The following TOGARAM1 variants were observed in gnomAD, a reference collection of about 807,000 sequenced individuals.
The protein encoded by TOGARAM1 is TOG array regulator of axonemal microtubules protein 1.
TOGARAM1 carries 100 observed loss-of-function variants against 166.6 expected under a neutral mutation model. The observed-to-expected ratio is 0.60, with a 90% CI of 0.51 to 0.71. The LOEUF (loss-of-function observed/expected upper bound fraction) is 0.71, where lower values mean the gene tolerates loss of function less well. Ranked by LOEUF, TOGARAM1 falls within the 30% of genes least tolerant of loss-of-function variation. The probability of loss-of-function intolerance (pLI) is 0.00; values close to 1 mark genes in which losing one functional copy is unlikely to be tolerated. For missense variants in TOGARAM1, 2,029 were observed against 2,102.7 expected, an observed-to-expected ratio of 0.96 and a Z score of 0.69; for synonymous variants, 758 against 763.8, an observed-to-expected ratio of 0.99 and a Z score of 0.13.
chr14:44,997,331 G>C (rs1401434450), intron 2 of TOGARAM1: 1 of 147,820 alleles, frequency 6.8e-6, no homozygotes, highest in African/African-American at 2.6e-5. Context: ...TCTTCAACCC[G>C]GGAGGCAGAG....
chr14:44,964,602 A>G lies in TOGARAM1; in HGVS notation c.2046+135A>G. On this transcript the variant is annotated intron_variant, in intron 1 of 19. Transcript: ENST00000361462. ...TTAAATTGATTTTAAATCCATCTGA[A>G]TGTTGGTACTCATTATAATGGTACA... 3 of 995,318 alleles carry G rather than the reference A, an allele frequency of 3.0e-6. No individual in the cohort carries two copies. The South Asian group carries it at 5.6e-5, about 18-fold the overall frequency. The allele number at this position is 995,318 out of a possible 1,614,324, so 61.7% of individuals were successfully genotyped here. A position where few individuals can be genotyped will look rare whatever the true frequency, so the allele number is the denominator to read the frequency against.
chr14:45,023,809 C>T (rs187729665), intron 7 of TOGARAM1, among the ~76,000 whole-genome samples: 4 of 152,150 alleles, frequency 2.6e-5, no homozygotes, highest in East Asian at 3.9e-4. Context: ...GGTGCAATCT[C>T]GGCTGACTGC....
chr14:44,962,321 C>A lies in TOGARAM1; in HGVS notation c.-101C>A, dbSNP rs777695016. On this transcript the variant is annotated 5_prime_UTR_variant, in exon 1 of 20. In the 5' UTR this introduces an upstream ATG that the reference lacks. Transcript: ENST00000361462. ...GGCTGAAGCTGTTCTTTTGCCTCTT[C>A]TGCAGCTTGGGGCTTGGAGAGGATC... 1 of 1,401,362 alleles carries A rather than the reference C, an allele frequency of 7.1e-7. No homozygotes were observed. Among genetic ancestry groups the A allele is most frequent in the Non-Finnish European group, 9.4e-7 (1 of 1,065,136 alleles). The allele number at this position is 1,401,362 out of a possible 1,614,324, so 86.8% of individuals were successfully genotyped here. A position where few individuals can be genotyped will look rare whatever the true frequency, so the allele number is the denominator to read the frequency against.
chr14:45,050,675 T>C (rs975010812), intron 14 of TOGARAM1, among the ~76,000 whole-genome samples: 3 of 151,948 alleles, frequency 2.0e-5, no homozygotes, highest in African/African-American at 4.8e-5. Flanking sequence ...AGGGCAGTGG[T>C]GCAATCTCAG....
At chr14:44,974,812 C>G (rs1454964754) in intron 1 of TOGARAM1, among the ~76,000 whole-genome samples, 1 of 152,018 alleles carries the variant, frequency 6.6e-6, no homozygotes, top group Non-Finnish European at 1.5e-5. Context: ...ATATCTGATG[C>G]TGGTTCTGAT....
intron 17 of TOGARAM1, among the ~76,000 whole-genome samples, chr14:45,067,477 T>C (rs2139004583): frequency 6.6e-6 from 1 of 152,300 alleles, no homozygotes; most frequent in South Asian, 2.1e-4. Context: ...GAAATATTAA[T>C]AAATATTCAT....
At chr14:45,005,297 A>G (rs1344384724) in intron 4 of TOGARAM1, among the ~76,000 whole-genome samples, 2 of 152,198 alleles carry the variant, frequency 1.3e-5, no homozygotes, top group Non-Finnish European at 2.9e-5. Context: ...ATTAGCATAT[A>G]TAAGTTCATT....
chr14:44,968,058 C>T (rs1288021329), intron 1 of TOGARAM1, among the ~76,000 whole-genome samples: 1 of 151,878 alleles, frequency 6.6e-6, no homozygotes, highest in Admixed American at 6.6e-5. Context: ...TTCTGAAATG[C>T]CAGCATAGAC....
rs1304786356 is a variant in TOGARAM1 at position 45,028,267 on chromosome 14, A to C, written c.3596A>C (p.Lys1199Thr). The C allele has an allele frequency of 3.1e-6, 5 of 1,606,552 alleles. No homozygotes were observed. The highest frequency in any genetic ancestry group is 4.2e-6 in the Non-Finnish European group (5 of 1,178,208). Residue 1199 changes from lysine to threonine, a missense_variant, in exon 10 of 20, where the codon AAG (lysine) becomes ACG (threonine). This residue lies in a region of TOGARAM1 where 1,453 missense variants were observed against 1,432.2 expected (regional missense o/e 1.01). Transcript: ENST00000361462. ...CTGTTTCACAATAAAGATTGTGAAA[A>C]GAAGGAAAAAAATTCCTGGGAACGA... ...KELFHNKDCEKKEKNSWERMR... is the reference protein window; with the variant it reads ...KELFHNKDCETKEKNSWERMR...
At chr14:45,020,492 C>T (rs773420521) in intron 7 of TOGARAM1, among the ~76,000 whole-genome samples, 1 of 152,172 alleles carries the variant, frequency 6.6e-6, no homozygotes, top group Admixed American at 6.5e-5. Flanking sequence ...ACTGCCCATG[C>T]CAGTACCTAA....
chr14:45,014,391 A>G (rs1879995577), intron 7 of TOGARAM1, among the ~76,000 whole-genome samples: 1 of 152,154 alleles, frequency 6.6e-6, no homozygotes, highest in South Asian at 2.1e-4. Context: ...CTGGTTAGAA[A>G]TCTGTATTTT....
chr14:44,977,775 A>T (rs1477018923), intron 1 of TOGARAM1, among the ~76,000 whole-genome samples: 3 of 151,606 alleles, frequency 2.0e-5, no homozygotes, highest in Non-Finnish European at 4.4e-5. Flanking sequence ...CCTCCCAAGT[A>T]GCTGGGACTA....
At chr14:45,037,932 C>T (rs1469414269) in intron 11 of TOGARAM1, among the ~76,000 whole-genome samples, 3 of 151,558 alleles carry the variant, frequency 2.0e-5, no homozygotes, top group Admixed American at 6.6e-5. Flanking sequence ...ACAGGAGAAT[C>T]GCTTGAACCC....
intron 19 of TOGARAM1, among the ~76,000 whole-genome samples, chr14:45,072,060 A>G (rs1883409153): frequency 6.6e-6 from 1 of 152,150 alleles, no homozygotes; most frequent in South Asian, 2.1e-4. Context: ...GCCAGTCACC[A>G]CTTGGAAAAT....
chr14:44,974,793 A>G (rs931318783), intron 1 of TOGARAM1, among the ~76,000 whole-genome samples: 1 of 152,010 alleles, frequency 6.6e-6, no homozygotes, highest in South Asian at 2.1e-4. Context: ...TTAATACAAC[A>G]TTCCTGCCAT....
rs189316242 is a variant in TOGARAM1 at position 44,964,865 on chromosome 14, T to G, written c.2046+398T>G. Among the ~76,000 whole-genome samples the G allele has an allele frequency of 5.6e-4, 83 of 149,088 alleles. 1 individual carries two copies. Among genetic ancestry groups the G allele is most frequent in the Admixed American group, 4.9e-3 (73 of 14,820 alleles). Reference sequence around the variant, plus strand: ...AAAGGTCAGACCTGGGAATTAGCAGTTAACAAATTCGTTAAGTGCTAAAGT... The same window carrying G: ...AAAGGTCAGACCTGGGAATTAGCAGGTAACAAATTCGTTAAGTGCTAAAGT... On this transcript the variant is annotated intron_variant, in intron 1 of 19. Coordinates refer to ENST00000361462, the MANE Select transcript of TOGARAM1 (RefSeq NM_001308120.2).
At chr14:45,013,504 A>T (rs17634474) in intron 7 of TOGARAM1, among the ~76,000 whole-genome samples, 1 of 152,138 alleles carries the variant, frequency 6.6e-6, no homozygotes, top group East Asian at 1.9e-4. Context: ...AAGACAGTAT[A>T]TAAGTGCTTT....
intron 1 of TOGARAM1, among the ~76,000 whole-genome samples, chr14:44,977,344 C>T (rs900188342): frequency 2.0e-5 from 3 of 150,602 alleles, no homozygotes; most frequent in Non-Finnish European, 4.4e-5. Flanking sequence ...ACGCCATTCT[C>T]CTGCCTCAGC....
chr14:45,056,371 G>T (rs1183456236), intron 16 of TOGARAM1, among the ~76,000 whole-genome samples: 1 of 151,912 alleles, frequency 6.6e-6, no homozygotes, highest in African/African-American at 2.4e-5. Flanking sequence ...TTTTTCTCTT[G>T]CATGATTACT....
Sources: gnomAD v4.1 joint callset for allele counts (sites outside exome capture counted in the v4.1 genomes callset) on GRCh38, gnomAD v4.1.1 for gene constraint, gnomAD v4.1.1 regional missense constraint, MANE v1.5 for transcripts, NCBI Gene and HGNC (gene_info 2026-07-23, HGNC 2026-07-21) for gene names.